EXOC4: variants seen among roughly 807,000 people sequenced by gnomAD.
EXOC4 encodes exocyst complex component 4.
A neutral mutation model predicts 107.2 loss-of-function variants in EXOC4; 71 were observed. The ratio of observed to expected loss-of-function variants is 0.66; its 90% CI spans 0.55 to 0.81. The LOEUF (loss-of-function observed/expected upper bound fraction) is 0.81, where lower values mean the gene tolerates loss of function less well. EXOC4 is among the 30% of genes least tolerant of loss of function. The pLI is 0.00. For missense variants in EXOC4, 1,108 were observed against 1,189.6 expected (o/e 0.93, Z 1.01); for synonymous variants, 456 against 441.2 (o/e 1.03, Z -0.42).
chr7:133,296,384 A>G (rs778232127), intron 3 of EXOC4, among the ~76,000 whole-genome samples: 1 of 152,116 alleles, frequency 6.6e-6, no homozygotes. Context: ...GTGGTTTGCT[A>G]TTTAAATAGG....
At chr7:133,287,715 G>T (rs1441508724) in intron 2 of EXOC4, among the ~76,000 whole-genome samples, 1 of 152,134 alleles carries the variant, frequency 6.6e-6, no homozygotes, top group African/African-American at 2.4e-5. Context: ...TCATGAAGTC[G>T]TAGGAAGGGA....
Position 134,022,513 on chromosome 7 carries a change from G to A in EXOC4, c.2687+14678G>A, listed in dbSNP as rs545273003. ...ACCAATAGCACTTGTTTACATTATG[G>A]GCCCTCAAGCCAAAGAGTCTGTAAT... is the stretch of plus-strand genomic sequence containing the variant. On this transcript the variant is annotated intron_variant, in intron 17 of 17. Coordinates refer to ENST00000253861, the MANE Select transcript of EXOC4 (RefSeq NM_021807.4). 3.3e-5 allele frequency among the ~76,000 whole-genome samples: 5 copies of A among 151,954 alleles called. No individual in the cohort carries two copies. In the South Asian group the frequency reaches 1.0e-3, roughly 32 times the overall value.
intron 11 of EXOC4, among the ~76,000 whole-genome samples, chr7:133,831,325 C>T (rs1440026115): frequency 6.6e-6 from 1 of 152,080 alleles, no homozygotes; most frequent in Non-Finnish European, 1.5e-5. Flanking sequence ...TGCTCTACTT[C>T]CTTAACGATG....
chr7:133,701,833 A>G (rs2151087436), intron 10 of EXOC4, among the ~76,000 whole-genome samples: 1 of 152,268 alleles, frequency 6.6e-6, no homozygotes, highest in Non-Finnish European at 1.5e-5. Context: ...GTAACTTTGT[A>G]TAATATTTGT....
chr7:133,665,025 A>C (rs1793781278), intron 10 of EXOC4, among the ~76,000 whole-genome samples: 1 of 152,154 alleles, frequency 6.6e-6, no homozygotes, highest in South Asian at 2.1e-4. Flanking sequence ...GTTAAAGAAA[A>C]ATGCAATGCT....
chr7:133,684,860 G>T (rs1457796325), intron 10 of EXOC4, among the ~76,000 whole-genome samples: 2 of 152,084 alleles, frequency 1.3e-5, no homozygotes, highest in Non-Finnish European at 2.9e-5. Context: ...ACAGGGCCTT[G>T]GGCCTGTACA....
intron 10 of EXOC4, among the ~76,000 whole-genome samples, chr7:133,746,653 T>A (rs1425027300): frequency 6.6e-6 from 1 of 152,210 alleles, no homozygotes; most frequent in East Asian, 1.9e-4. Flanking sequence ...TTCTGTTAGC[T>A]CTGTAATTCA....
At chr7:133,868,397 T>G (rs928911106) in intron 11 of EXOC4, among the ~76,000 whole-genome samples, 3 of 152,190 alleles carry the variant, frequency 2.0e-5, no homozygotes, top group Non-Finnish European at 4.4e-5. Context: ...GTGAATTCAC[T>G]TAATATTTCT....
intron 17 of EXOC4, among the ~76,000 whole-genome samples, chr7:134,030,641 G>A (rs922018448): frequency 2.0e-5 from 3 of 152,050 alleles, no homozygotes; most frequent in African/African-American, 7.2e-5. Context: ...AATACACTTT[G>A]TGGGTAATAA....
chr7:133,326,990 C>T (rs928338823), intron 5 of EXOC4, among the ~76,000 whole-genome samples: 35 of 152,306 alleles, frequency 2.3e-4, no homozygotes, highest in African/African-American at 7.5e-4. Flanking sequence ...GCTCCATGGG[C>T]GTGGGACTCT....
chr7:133,403,067 T>C (rs1379616945), intron 7 of EXOC4, among the ~76,000 whole-genome samples: 5 of 150,306 alleles, frequency 3.3e-5, no homozygotes, highest in African/African-American at 4.9e-5. Flanking sequence ...TTATTTGTAC[T>C]AGAGACGGGG....
intron 7 of EXOC4, among the ~76,000 whole-genome samples, chr7:133,426,453 G>T (rs1426692123): frequency 6.6e-6 from 1 of 152,198 alleles, no homozygotes; most frequent in East Asian, 1.9e-4. Flanking sequence ...TTAATTACAT[G>T]CAAATAACTT....
chr7:133,806,861 T>G (rs1348671667), intron 10 of EXOC4, among the ~76,000 whole-genome samples: 1 of 152,176 alleles, frequency 6.6e-6, no homozygotes, highest in Non-Finnish European at 1.5e-5. Context: ...CTTCATAGTG[T>G]TATAAGGAAT....
Position 133,503,513 on chromosome 7 carries a change from A to G in EXOC4, c.1417+23375A>G, listed in dbSNP as rs114440106. ...CTTCCTTTGTTGATGAAGAGTATCTATCACTGGCTGGATGAAAATTGGCTG... is the reference window on the plus strand; with the variant it reads ...CTTCCTTTGTTGATGAAGAGTATCTGTCACTGGCTGGATGAAAATTGGCTG... On this transcript the variant is annotated intron_variant, in intron 9 of 17. Transcript: ENST00000253861. 2.4e-3 allele frequency among the ~76,000 whole-genome samples: 372 copies of G among 152,204 alleles called. 5 individuals are homozygous for G. The highest frequency in any genetic ancestry group is 8.3e-3 in the African/African-American group (346 of 41,544).
chr7:133,976,190 C>A (rs1283189179), intron 14 of EXOC4, among the ~76,000 whole-genome samples: 2 of 152,114 alleles, frequency 1.3e-5, no homozygotes, highest in East Asian at 3.9e-4. Context: ...ACAAAGAGAA[C>A]ATCAAACAGA....
intron 13 of EXOC4, among the ~76,000 whole-genome samples, chr7:133,934,137 C>T (rs2116710814): frequency 6.6e-6 from 1 of 152,204 alleles, no homozygotes; most frequent in Admixed American, 6.5e-5. Flanking sequence ...TTCCTAATGA[C>T]TTCATGGTTT....
At chr7:133,834,944 C>T (rs948306857) in intron 11 of EXOC4, among the ~76,000 whole-genome samples, 2 of 152,040 alleles carry the variant, frequency 1.3e-5, no homozygotes, top group Admixed American at 6.6e-5. Flanking sequence ...ATGAGTCTCA[C>T]GAGATCTGAT....
chr7:133,517,510 A>C (rs962812782), intron 9 of EXOC4, among the ~76,000 whole-genome samples: 1 of 152,186 alleles, frequency 6.6e-6, no homozygotes. Flanking sequence ...GGTTTAATGG[A>C]GTCATAGTTC....
At chr7:133,292,711 A>G (rs976362030) in intron 3 of EXOC4, among the ~76,000 whole-genome samples, 1 of 152,186 alleles carries the variant, frequency 6.6e-6, no homozygotes, top group African/African-American at 2.4e-5. Context: ...CATATGTTTC[A>G]TTTTAATATA....
Sources: gnomAD v4.1 joint callset for allele counts (sites outside exome capture counted in the v4.1 genomes callset) on GRCh38, gnomAD v4.1.1 for gene constraint, MANE v1.5 for transcripts, NCBI Gene and HGNC (gene_info 2026-07-23, HGNC 2026-07-21) for gene names.